The following ADAMTS6 variants were observed in gnomAD, a reference collection of about 807,000 sequenced individuals.
The protein encoded by ADAMTS6 is A disintegrin and metalloproteinase with thrombospondin motifs 6.
Under a neutral mutation model 144.3 loss-of-function variants are expected in ADAMTS6, and 23 were observed. That is an observed-to-expected ratio of 0.16 (90% CI 0.11 to 0.23). The LOEUF is 0.23. ADAMTS6 is among the 10% of genes least tolerant of loss of function. The pLI is 1.00. For missense variants in ADAMTS6, 999 were observed against 1,379.6 expected (o/e 0.72, Z 4.37); for synonymous variants, 444 against 457.5 (o/e 0.97, Z 0.38).
chr5:65,150,621 C>T lies in ADAMTS6; in HGVS notation c.*1215G>A, dbSNP rs530743592. 2 of 152,658 alleles carry T rather than the reference C, an allele frequency of 1.3e-5. No homozygotes were observed. Among genetic ancestry groups the T allele is most frequent in the South Asian group, 2.1e-4 (1 of 4,822 alleles). 9.5% of individuals were successfully genotyped at this position (152,658 alleles called of 1,614,324 possible). On this transcript the variant is annotated 3_prime_UTR_variant, in exon 25 of 25. Coordinates refer to ENST00000381055, the MANE Select transcript of ADAMTS6 (RefSeq NM_197941.4). The stretch of plus-strand genomic sequence containing the variant: ...AAATTTTCTTCTTTGGTTATTATCC[C>T]TTGCCTACTTTAAAACTCACAGAAA...
At chr5:65,315,262 G>T (rs918095079) in intron 9 of ADAMTS6, among the ~76,000 whole-genome samples, 13 of 151,792 alleles carry the variant, frequency 8.6e-5, no homozygotes, top group African/African-American at 3.1e-4. Context: ...AGATTAGTTA[G>T]AAATTTATAT....
At chr5:65,312,429 T>C (rs1295359383) in intron 9 of ADAMTS6, among the ~76,000 whole-genome samples, 1 of 152,040 alleles carries the variant, frequency 6.6e-6, no homozygotes, top group Non-Finnish European at 1.5e-5. Context: ...GTCAGAACCT[T>C]CTATACCCAC....
chr5:65,348,233 A>G (rs1748527980), intron 7 of ADAMTS6, among the ~76,000 whole-genome samples: 1 of 152,156 alleles, frequency 6.6e-6, no homozygotes, highest in African/African-American at 2.4e-5. Flanking sequence ...GGTAATTCAC[A>G]GTAGCTAAGA....
At chr5:65,370,768 C>A (rs1278835618) in intron 7 of ADAMTS6, among the ~76,000 whole-genome samples, 1 of 152,198 alleles carries the variant, frequency 6.6e-6, no homozygotes, top group Non-Finnish European at 1.5e-5. Context: ...TGGGTGGAGC[C>A]CACCACAGCT....
intron 7 of ADAMTS6, among the ~76,000 whole-genome samples, chr5:65,398,781 C>CAAGAAAGA (rs199684759): frequency 1.7e-4 from 18 of 106,904 alleles, no homozygotes; most frequent in South Asian, 3.5e-4. Flanking sequence ...GAAGAGAGAG[C>CAAGAAAGA]AAGAAAGAAA....
At chr5:65,224,031 A>C (rs1757531185) in intron 18 of ADAMTS6, among the ~76,000 whole-genome samples, 1 of 151,936 alleles carries the variant, frequency 6.6e-6, no homozygotes, top group Non-Finnish European at 1.5e-5. Context: ...CGATCTCCTG[A>C]CCTTGTGATC....
At chr5:65,233,285 C>T (rs1290590734) in intron 15 of ADAMTS6, among the ~76,000 whole-genome samples, 5 of 151,960 alleles carry the variant, frequency 3.3e-5, no homozygotes, top group East Asian at 1.9e-4. Flanking sequence ...AACAAGGTAA[C>T]GATGCCCATT....
At chr5:65,440,513 C>T (rs1403446602) in intron 7 of ADAMTS6, among the ~76,000 whole-genome samples, 1 of 152,096 alleles carries the variant, frequency 6.6e-6, no homozygotes, top group Non-Finnish European at 1.5e-5. Context: ...GAGACAAAGA[C>T]AGTTAAAATT....
chr5:65,369,609 AAAC>A lies in ADAMTS6; in HGVS notation c.1074-35527_1074-35525del, dbSNP rs535793599. Among the ~76,000 whole-genome samples, 39 of 152,286 alleles carry A rather than the reference AAAC, an allele frequency of 2.6e-4. No individual in the cohort carries two copies. In the East Asian group the frequency reaches 7.1e-3, roughly 28 times the overall value. ...ATTACAGCCACCCAGATTTCACAGA[AAAC>A]AACTAATAAATCAAGAAATTCTAAG... On this transcript the variant is annotated intron_variant, in intron 7 of 24. Coordinates refer to ENST00000381055, the MANE Select transcript of ADAMTS6 (RefSeq NM_197941.4).
chr5:65,367,370 G>A (rs1400674187), intron 7 of ADAMTS6, among the ~76,000 whole-genome samples: 2 of 152,166 alleles, frequency 1.3e-5, no homozygotes, highest in East Asian at 3.9e-4. Flanking sequence ...GTACAATATT[G>A]CACTTACCAT....
chr5:65,410,253 T>G (rs1240524271), intron 7 of ADAMTS6, among the ~76,000 whole-genome samples: 1 of 152,088 alleles, frequency 6.6e-6, no homozygotes, highest in Non-Finnish European at 1.5e-5. Flanking sequence ...TTATGAAAAA[T>G]AACATTTCTT....
chr5:65,419,819 T>G (rs1033440508), intron 7 of ADAMTS6, among the ~76,000 whole-genome samples: 4 of 152,198 alleles, frequency 2.6e-5, no homozygotes, highest in Admixed American at 2.6e-4. Context: ...AAATTAGTGG[T>G]TACCTAGGGC....
At position 65,265,927 on chromosome 5, in the gene ADAMTS6, G is replaced by C. The variant is rs545976421; in HGVS notation, c.1621-2965C>G. Among the ~76,000 whole-genome samples the C allele has an allele frequency of 7.9e-5, 12 of 151,352 alleles. 1 individual carries two copies. In the South Asian group the frequency reaches 2.1e-3, roughly 26 times the overall value. ...GGAGGTGTATGATTATGTATTTGAA[G>C]ACATTAAAGAATAACATGCTTTACT... On this transcript the variant is annotated intron_variant, in intron 12 of 24. Transcript: ENST00000381055.
At chr5:65,346,909 T>A (rs1748375198) in intron 7 of ADAMTS6, among the ~76,000 whole-genome samples, 1 of 149,212 alleles carries the variant, frequency 6.7e-6, no homozygotes, top group African/African-American at 2.5e-5. Flanking sequence ...AACAATGAAC[T>A]ACCCAAAAAA....
At chr5:65,414,237 AAAACACTCAGGCT>A (rs1428260740) in intron 7 of ADAMTS6, among the ~76,000 whole-genome samples, 1 of 151,810 alleles carries the variant, frequency 6.6e-6, no homozygotes. Context: ...ACCTAGTATA[AAAACACTCAGGCT>A]TTTAAAATTA....
intron 7 of ADAMTS6, among the ~76,000 whole-genome samples, chr5:65,377,106 T>C (rs1227209247): frequency 1.3e-5 from 2 of 152,138 alleles, no homozygotes; most frequent in African/African-American, 4.8e-5. Context: ...ATTTCAATCA[T>C]TAAAAATTTG....
intron 7 of ADAMTS6, among the ~76,000 whole-genome samples, chr5:65,398,830 AAGAAAGAAAGAAAGAAAG>A (rs1753650133): frequency 6.8e-6 from 1 of 146,176 alleles, no homozygotes; most frequent in Non-Finnish European, 1.5e-5. Context: ...GAAAGAAAGA[AAGAAAGAAAGAAAGAAAG>A]AAAAAGAAAG....
intron 1 of ADAMTS6, among the ~76,000 whole-genome samples, 163 bp downstream of exon 1, chr5:65,481,180 T>G (rs1761170881): frequency 6.7e-6 from 1 of 149,374 alleles, no homozygotes; most frequent in Non-Finnish European, 1.5e-5. Flanking sequence ...GATATCTATT[T>G]GTAAAATGAG....
intron 1 of ADAMTS6, among the ~76,000 whole-genome samples, chr5:65,481,131 C>T (rs1387837989): frequency 1.3e-5 from 2 of 150,366 alleles, no homozygotes; most frequent in Admixed American, 6.6e-5. Context: ...ACTGCAAGTC[C>T]CAGAATTCTA....
Sources: gnomAD v4.1 joint callset for allele counts (sites outside exome capture counted in the v4.1 genomes callset) on GRCh38, gnomAD v4.1.1 for gene constraint, MANE v1.5 for transcripts, NCBI Gene and HGNC (gene_info 2026-07-23, HGNC 2026-07-21) for gene names.